Variants in FAM13A observed in about 807,000 individuals in gnomAD.
FAM13A encodes the protein protein FAM13A.
FAM13A carries 76 observed loss-of-function variants against 129.6 expected under a neutral mutation model. That is an observed-to-expected ratio of 0.59 (90% CI 0.49 to 0.71). The LOEUF (loss-of-function observed/expected upper bound fraction) is 0.71, where lower values mean the gene tolerates loss of function less well. FAM13A is among the 30% of genes least tolerant of loss of function. FAM13A has a pLI of 0.00. For synonymous variants in FAM13A, 443 were observed against 449.9 expected (o/e 0.98, Z 0.20); for missense variants, 1,108 against 1,249.3 (o/e 0.89, Z 1.70).
intron 19 of FAM13A, among the ~76,000 whole-genome samples, chr4:88,746,196 A>T (rs1372506973): frequency 3.3e-5 from 5 of 152,222 alleles, no homozygotes; most frequent in Non-Finnish European, 4.4e-5. Context: ...GCTTTTAAAA[A>T]TTTGTTTTGT....
chr4:88,945,990 G>GTGTGTGTGTGTATATATA lies in FAM13A; in HGVS notation c.606-7750_606-7749insTATATATACACACACACA. 8.5e-3 allele frequency among the ~76,000 whole-genome samples: 520 copies of GTGTGTGTGTGTATATATA among 61,472 alleles called. 9 individuals carry two copies. Among genetic ancestry groups the GTGTGTGTGTGTATATATA allele is most frequent in the African/African-American group, 0.014 (155 of 11,398 alleles). 40.3% of individuals were successfully genotyped at this position (61,472 alleles called of 152,430 possible). ...TGTGTGTGTGTGTGTGTGTGTGTGTGTATATATATATATATATATATATAT... is the reference window on the plus strand; with the variant it reads ...TGTGTGTGTGTGTGTGTGTGTGTGTGTGTGTGTGTGTATATATATATATATATATATATATATATATAT... On this transcript the variant is annotated intron_variant, in intron 4 of 23. Coordinates refer to ENST00000264344, the MANE Select transcript of FAM13A (RefSeq NM_014883.4).
chr4:88,927,060 C>T (rs779863028), intron 5 of FAM13A, among the ~76,000 whole-genome samples: 18 of 152,064 alleles, frequency 1.2e-4, no homozygotes, highest in African/African-American at 3.6e-4. Context: ...TCTTTGTTAT[C>T]GTGAACAGTG....
chr4:89,006,534 C>T (rs544429289), intron 3 of FAM13A, among the ~76,000 whole-genome samples: 11 of 152,272 alleles, frequency 7.2e-5, no homozygotes, highest in Non-Finnish European at 1.2e-4. Context: ...GGGGCCAGAG[C>T]GAGCACTTTT....
At chr4:88,919,685 A>AGACAGTGGGCGCAG (rs1261729782) in intron 5 of FAM13A, among the ~76,000 whole-genome samples, 138 of 152,340 alleles carry the variant, frequency 9.1e-4, no homozygotes, top group Middle Eastern at 3.4e-3. Context: ...AGGGAGTGCC[A>AGACAGTGGGCGCAG]GACAGTGGGC....
chr4:89,019,281 A>G (rs1183168439), intron 3 of FAM13A, among the ~76,000 whole-genome samples: 1 of 152,232 alleles, frequency 6.6e-6, no homozygotes, highest in Non-Finnish European at 1.5e-5. Flanking sequence ...CCACTGCTGT[A>G]AAGGAATGTG....
intron 14 of FAM13A, among the ~76,000 whole-genome samples, chr4:88,752,028 C>T (rs568359651): frequency 4.6e-4 from 70 of 152,230 alleles, no homozygotes; most frequent in Non-Finnish European, 7.4e-4. Context: ...CTGGGTGTGA[C>T]TTCATACCTC....
chr4:89,024,493 T>C (rs1475991176), intron 2 of FAM13A, among the ~76,000 whole-genome samples: 1 of 152,208 alleles, frequency 6.6e-6, no homozygotes, highest in African/African-American at 2.4e-5. Context: ...ATAGTTTACC[T>C]TCATGCCAAA....
intron 3 of FAM13A, among the ~76,000 whole-genome samples, chr4:88,995,100 A>G (rs35441198): frequency 0.69 from 104,526 of 150,856 alleles, 36,311 homozygotes; most frequent in Middle Eastern, 0.79. Flanking sequence ...TTGCACACAC[A>G]CACCCAAAAT....
At chr4:88,919,579 G>A (rs533171735) in intron 5 of FAM13A, among the ~76,000 whole-genome samples, 29 of 152,314 alleles carry the variant, frequency 1.9e-4, no homozygotes, top group Middle Eastern at 3.4e-3. Flanking sequence ...CAAGATGGCC[G>A]AATAGGAACA....
intron 4 of FAM13A, among the ~76,000 whole-genome samples, chr4:88,974,630 C>T (rs1760655401): frequency 6.6e-6 from 1 of 152,110 alleles, no homozygotes; most frequent in African/African-American, 2.4e-5. Flanking sequence ...GCACCCGCCA[C>T]CATGACCGGC....
At chr4:88,770,678 T>G (rs931521543) in intron 11 of FAM13A, among the ~76,000 whole-genome samples, 2 of 152,068 alleles carry the variant, frequency 1.3e-5, no homozygotes, top group African/African-American at 4.8e-5. Context: ...TGTTAGAAGA[T>G]TGATTTTTTT....
At chr4:88,924,122 T>C (rs1401546249) in intron 5 of FAM13A, among the ~76,000 whole-genome samples, 1 of 152,144 alleles carries the variant, frequency 6.6e-6, no homozygotes, top group African/African-American at 2.4e-5. Context: ...AAAATGGCCA[T>C]ACTGCCCAAG....
At chr4:88,805,199 C>T in intron 7 of FAM13A, 147 bp from the exon 8 acceptor site, 1 of 598,378 alleles carries the variant, frequency 1.7e-6, no homozygotes, top group South Asian at 2.1e-5. Context: ...ACATGATCCA[C>T]CTCGGACCTA....
At chr4:88,925,805 A>C (rs1007661602) in intron 5 of FAM13A, among the ~76,000 whole-genome samples, 2 of 152,204 alleles carry the variant, frequency 1.3e-5, no homozygotes, top group African/African-American at 4.8e-5. Context: ...GTGAGAGGAA[A>C]AAAAACCCCA....
chr4:88,809,870 T>TTC (rs199658096), intron 7 of FAM13A, among the ~76,000 whole-genome samples: 4 of 146,114 alleles, frequency 2.7e-5, no homozygotes, highest in South Asian at 4.3e-4. Context: ...CCGGTGGGCT[T>TTC]TTTTTTTTTT....
At position 89,052,374 on chromosome 4, in the gene FAM13A, A is replaced by G. The variant is rs926843801; in HGVS notation, c.27+4564T>C. ...TGCACAATGTGCAGGTTAGTTACAT[A>G]TGTATACATGTGTCATGCTGGTGTG... On this transcript the variant is annotated intron_variant, in intron 1 of 23. Transcript: ENST00000264344. Among the ~76,000 whole-genome samples, 5 of 151,012 alleles carry G rather than the reference A, an allele frequency of 3.3e-5. No homozygotes were observed. The East Asian group carries it at 9.8e-4, about 30-fold the overall frequency.
intron 7 of FAM13A, among the ~76,000 whole-genome samples, chr4:88,847,787 A>G (rs1438190316): frequency 6.6e-6 from 1 of 152,088 alleles, no homozygotes; most frequent in African/African-American, 2.4e-5. Flanking sequence ...ATACAAAAAA[A>G]TTAGCTGGGC....
intron 4 of FAM13A, among the ~76,000 whole-genome samples, chr4:88,953,594 C>T (rs563118538): frequency 2.0e-5 from 3 of 152,290 alleles, no homozygotes; most frequent in African/African-American, 7.2e-5. Flanking sequence ...ACCTTTTCAT[C>T]TGGCAAAAGT....
At chr4:88,783,669 A>G (rs1305661381) in intron 10 of FAM13A, among the ~76,000 whole-genome samples, 1 of 152,176 alleles carries the variant, frequency 6.6e-6, no homozygotes, top group African/African-American at 2.4e-5. Context: ...CACATTTTGA[A>G]GTCCTAACCC....
Sources: allele counts gnomAD v4.1 joint callset (sites outside exome capture counted in the v4.1 genomes callset), GRCh38; gene constraint gnomAD v4.1.1; transcripts MANE v1.5; gene names NCBI Gene and HGNC (gene_info 2026-07-23, HGNC 2026-07-21).